The following CAMK2G variants were observed in gnomAD, a reference collection of about 807,000 sequenced individuals.
CAMK2G encodes the protein calcium/calmodulin dependent protein kinase II gamma.
CAMK2G carries 23 observed loss-of-function variants against 88.7 expected under a neutral mutation model. The observed-to-expected ratio is 0.26, with a 90% CI of 0.19 to 0.37. CAMK2G has a LOEUF of 0.37. Ranked by LOEUF, CAMK2G falls within the 10% of genes least tolerant of loss-of-function variation. The probability of loss-of-function intolerance (pLI) is 1.00; values close to 1 mark genes in which losing one functional copy is unlikely to be tolerated. For synonymous variants in CAMK2G, 263 were observed against 294.8 expected (o/e 0.89, Z 1.11); for missense variants, 476 against 780.8 (o/e 0.61, Z 4.65).
chr10:73,828,162 G>A, intron 14 of CAMK2G, 41 bp from the exon 15 acceptor site: 2 of 1,574,016 alleles, frequency 1.3e-6, no homozygotes, highest in Non-Finnish European at 8.7e-7. Context: ...AGGGGAAAGA[G>A]GAGGTAAGAA....
At chr10:73,828,193 A>G in intron 14 of CAMK2G, 72 bp from the exon 15 acceptor site, 1 of 1,253,824 alleles carries the variant, frequency 8.0e-7, no homozygotes, top group Non-Finnish European at 1.2e-6. Flanking sequence ...GAGACGCTGC[A>G]GGTTAGCGCA....
Position 73,839,555 on chromosome 10 carries a change from G to A in CAMK2G, c.993C>T (p.Ala331=), listed in dbSNP as rs768698299. Residue 331 remains alanine, a synonymous_variant, in exon 13 of 23, where the codon GCC becomes GCT. Coordinates refer to ENST00000423381, the MANE Select transcript of CAMK2G (RefSeq NM_001367534.1). The surrounding 1 kb of genome is among the most constrained non-coding windows in gnomAD (Gnocchi z 4.2). The part of the protein sequence containing the change: ...SAPASPAASA[A]GLAGQAAKSL... ...GCCACGTACCTTGCCCGGCCAGGCC[G>A]GCGGCGCTCGCGGCAGGCGAGGCGG... The A allele has an allele frequency of 8.1e-7, 1 of 1,234,988 alleles. No individual in the cohort carries two copies. Among genetic ancestry groups the A allele is most frequent in the Non-Finnish European group, 1.0e-6 (1 of 987,818 alleles). The allele number at this position is 1,234,988 out of a possible 1,614,324, so 76.5% of individuals were successfully genotyped here. A position where few individuals can be genotyped will look rare whatever the true frequency, so the allele number is the denominator to read the frequency against.
intron 4 of CAMK2G, chr10:73,852,615 C>T: frequency 2.4e-6 from 1 of 416,696 alleles, no homozygotes; most frequent in Non-Finnish European, 4.4e-6. Flanking sequence ...TCAACCTACC[C>T]CAAAAGTCAC....
chr10:73,866,501 T>C (rs1160277719), intron 2 of CAMK2G, among the ~76,000 whole-genome samples: 1 of 152,018 alleles, frequency 6.6e-6, no homozygotes, highest in Non-Finnish European at 1.5e-5. Flanking sequence ...TAGCTTCAAA[T>C]AAGATCCTGC....
chr10:73,828,085 T>C lies in CAMK2G; in HGVS notation c.1086+4A>G. The C allele has an allele frequency of 4.3e-6, 7 of 1,612,724 alleles. No homozygotes were observed. Among genetic ancestry groups the C allele is most frequent in the Non-Finnish European group, 5.9e-6 (7 of 1,178,774 alleles). Reference sequence around the variant, plus strand: ...TGGGCGATGGGTGGGCAGGCAAGGCTCACCATTAGGTGCACGCTGGAACTC... The same window carrying C: ...TGGGCGATGGGTGGGCAGGCAAGGCCCACCATTAGGTGCACGCTGGAACTC... On this transcript the variant is annotated splice_donor_region_variant and intron_variant, in intron 15 of 22. Transcript: ENST00000423381.
At position 73,839,771 on chromosome 10, in the gene CAMK2G, G is replaced by A. The variant is rs2093617761; in HGVS notation, c.947-170C>T. Among the ~76,000 whole-genome samples, 1 of 152,206 alleles carries A rather than the reference G, an allele frequency of 6.6e-6. No homozygotes were observed. Among genetic ancestry groups the A allele is most frequent in the African/African-American group, 2.4e-5 (1 of 41,464 alleles). ...GGAGGTAGGCGCAGCCAGCCCTGCA[G>A]CAGTCTGGGGGCCTGGGAAGACCGG... On this transcript the variant is annotated intron_variant, in intron 12 of 22. Transcript: ENST00000423381. This position sits in a 1 kb window ranked among gnomAD's most constrained non-coding sequence, Gnocchi z 4.2.
intron 17 of CAMK2G, 68 bp downstream of exon 17, chr10:73,823,972 C>A: frequency 7.9e-7 from 1 of 1,271,488 alleles, no homozygotes; most frequent in Admixed American, 1.7e-5. Context: ...GCCTGTAGAC[C>A]CCTGGGACCC....
chr10:73,834,574 C>T (rs1381225191), intron 14 of CAMK2G, among the ~76,000 whole-genome samples: 1 of 152,234 alleles, frequency 6.6e-6, no homozygotes, highest in East Asian at 1.9e-4. Context: ...TCTGTCCTTC[C>T]TCTGTTTCCT....
At chr10:73,870,536 C>T (rs1200895493) in intron 2 of CAMK2G, among the ~76,000 whole-genome samples, 2 of 152,204 alleles carry the variant, frequency 1.3e-5, no homozygotes, top group African/African-American at 2.4e-5. Flanking sequence ...CTAGCCACCT[C>T]ACCAGGGATG....
chr10:73,840,482 G>C (rs1237030440), intron 12 of CAMK2G, among the ~76,000 whole-genome samples: 2 of 152,176 alleles, frequency 1.3e-5, no homozygotes, highest in Non-Finnish European at 2.9e-5. Flanking sequence ...CTGTCCCAGA[G>C]TCAGGGCAGA....
At chr10:73,829,451 C>G (rs1339744462) in intron 14 of CAMK2G, among the ~76,000 whole-genome samples, 4 of 151,790 alleles carry the variant, frequency 2.6e-5, no homozygotes, top group Admixed American at 6.6e-5. Context: ...CCCGCCACCA[C>G]GCCCCACTGA....
chr10:73,856,912 G>A (rs942407516), intron 3 of CAMK2G, among the ~76,000 whole-genome samples: 1 of 152,174 alleles, frequency 6.6e-6, no homozygotes, highest in African/African-American at 2.4e-5. Context: ...CCAACAATAT[G>A]CCACATTTTA....
intron 14 of CAMK2G, among the ~76,000 whole-genome samples, chr10:73,833,333 A>T (rs2092751902): frequency 6.6e-6 from 1 of 151,890 alleles, no homozygotes; most frequent in African/African-American, 2.4e-5. Context: ...TCCTATTTTG[A>T]ATTATTTCTT....
At chr10:73,821,312 T>C (rs990901713) in intron 18 of CAMK2G, among the ~76,000 whole-genome samples, 17 of 152,130 alleles carry the variant, frequency 1.1e-4, no homozygotes, top group Non-Finnish European at 2.5e-4. Flanking sequence ...CCAGGAGTGA[T>C]TGGTCACTCT....
At chr10:73,860,388 C>T (rs982020975) in intron 3 of CAMK2G, among the ~76,000 whole-genome samples, 1 of 152,118 alleles carries the variant, frequency 6.6e-6, no homozygotes, top group Non-Finnish European at 1.5e-5. Context: ...ATGGGAGCAC[C>T]ATGGAAACCC....
chr10:73,819,982 G>A (rs1002921150), intron 18 of CAMK2G, among the ~76,000 whole-genome samples: 3 of 152,170 alleles, frequency 2.0e-5, no homozygotes, highest in Non-Finnish European at 4.4e-5. Flanking sequence ...CAGTGACAGC[G>A]CCTCCTATGT....
intron 14 of CAMK2G, among the ~76,000 whole-genome samples, chr10:73,828,711 T>A (rs1379523375): frequency 6.6e-6 from 1 of 152,250 alleles, no homozygotes; most frequent in Non-Finnish European, 1.5e-5. Flanking sequence ...CATGCTTGTT[T>A]ACAATATTTG....
At position 73,848,940 on chromosome 10, in the gene CAMK2G, T is replaced by C; in HGVS notation, c.517+73A>G. Reference sequence around the variant, plus strand: ...CCATTAAGGGTCTGGCTTCTAGTTCTAATAGAGGAAGGCAGATCAGGAAGA... The same window carrying C: ...CCATTAAGGGTCTGGCTTCTAGTTCCAATAGAGGAAGGCAGATCAGGAAGA... On this transcript the variant is annotated intron_variant, in intron 7 of 22. Transcript: ENST00000423381. The surrounding 1 kb of genome is among the most constrained non-coding windows in gnomAD (Gnocchi z 4.5). 1 of 981,108 alleles carries C rather than the reference T, an allele frequency of 1.0e-6. No individual in the cohort carries two copies. Among genetic ancestry groups the C allele is most frequent in the Non-Finnish European group, 1.7e-6 (1 of 603,062 alleles). 60.8% of individuals were successfully genotyped at this position (981,108 alleles called of 1,614,324 possible). A position where few individuals can be genotyped will look rare whatever the true frequency, so the allele number is the denominator to read the frequency against.
chr10:73,816,203 C>T, intron 21 of CAMK2G: 1 of 985,584 alleles, frequency 1.0e-6, no homozygotes, highest in Non-Finnish European at 1.2e-6. Flanking sequence ...CCTTATTTTC[C>T]ATGAACTGTC....
Sources: gnomAD v4.1 joint callset for allele counts (sites outside exome capture counted in the v4.1 genomes callset) on GRCh38, gnomAD v4.1.1 for gene constraint, Gnocchi (gnomAD v3.1) non-coding constraint, MANE v1.5 for transcripts, NCBI Gene and HGNC (gene_info 2026-07-23, HGNC 2026-07-21) for gene names.